The following ARHGAP23 variants were observed in gnomAD, a reference collection of about 807,000 sequenced individuals.
ARHGAP23 encodes Rho GTPase activating protein 23.
ARHGAP23 carries 34 observed loss-of-function variants against 136.3 expected under a neutral mutation model. The ratio of observed to expected loss-of-function variants is 0.25; its 90% CI spans 0.19 to 0.33. The LOEUF (loss-of-function observed/expected upper bound fraction) is 0.33, where lower values mean the gene tolerates loss of function less well. Among genes scored for constraint, ARHGAP23 ranks in the 10% least tolerant of loss-of-function variants. The pLI is 1.00. For missense variants in ARHGAP23, 1,808 were observed against 2,139.0 expected, an observed-to-expected ratio of 0.85 and a Z score of 3.05; for synonymous variants, 832 against 920.5, an observed-to-expected ratio of 0.90 and a Z score of 1.74.
At chr17:38,469,383 C>T (rs2039689534) in intron 8 of ARHGAP23, 84 bp downstream of exon 8, 1 of 1,479,710 alleles carries the variant, frequency 6.8e-7, no homozygotes, top group Admixed American at 2.2e-5. Context: ...TGCTTGATGT[C>T]TGGCCTCTTC....
chr17:38,504,196 G>C (rs2040579626), intron 23 of ARHGAP23, among the ~76,000 whole-genome samples: 1 of 152,220 alleles, frequency 6.6e-6, no homozygotes, highest in African/African-American at 2.4e-5. Context: ...GCTCTGTCCT[G>C]AGCCTGAGCT....
intron 17 of ARHGAP23, among the ~76,000 whole-genome samples, chr17:38,486,536 CTTTTT>C (rs34888986): frequency 7.9e-5 from 10 of 125,838 alleles, no homozygotes; most frequent in East Asian, 2.3e-4. Flanking sequence ...ACCACGCTGG[CTTTTT>C]TTTTTTTTTT....
At chr17:38,457,760 C>T (rs1354649393) in intron 1 of ARHGAP23, 3 of 380,954 alleles carry the variant, frequency 7.9e-6, no homozygotes, top group Non-Finnish European at 1.4e-5. Flanking sequence ...GGCAGGAAGG[C>T]TGTATCCAGG....
Position 38,504,978 on chromosome 17 carries a change from C to CTTTTTTTTT in ARHGAP23, c.3447+4387_3447+4395dup, listed in dbSNP as rs71138627. Among the ~76,000 whole-genome samples the CTTTTTTTTT allele has an allele frequency of 9.0e-4, 39 of 43,170 alleles. 13 individuals carry two copies. Among genetic ancestry groups the CTTTTTTTTT allele is most frequent in the Non-Finnish European group, 1.7e-3 (34 of 20,290 alleles). The allele number at this position is 43,170 out of a possible 152,430, so 28.3% of individuals were successfully genotyped here. A position where few individuals can be genotyped will look rare whatever the true frequency, so the allele number is the denominator to read the frequency against. On this transcript the variant is annotated intron_variant, in intron 23 of 23. Coordinates refer to ENST00000622683, the MANE Select transcript of ARHGAP23 (RefSeq NM_001199417.2). ...ATTACTCAGAAGCCTCCCTTATCAT[C>CTTTTTTTTT]TTTTTTTTTTTTTTTTTTTTTTTTT...
Position 38,466,196 on chromosome 17 carries a change from G to C in ARHGAP23, c.513G>C (p.Gly171=), listed in dbSNP as rs1391494629. 1 of 1,518,098 alleles carries C rather than the reference G, an allele frequency of 6.6e-7. No individual in the cohort carries two copies. The highest frequency in any genetic ancestry group is 1.4e-5 in the African/African-American group (1 of 71,714). 94.0% of individuals were successfully genotyped at this position (1,518,098 alleles called of 1,614,324 possible). The stretch of plus-strand genomic sequence containing the variant: ...ACTCCCAGGATGCCTACCTGAAAGG[G>C]AACGAGCCGTATTCTGGAGAGGCCC... ...LAYSQDAYLK[G]NEPYSGEARS... is the part of the protein sequence containing the mutation. Residue 171 remains glycine, a synonymous_variant, in exon 7 of 24, where the codon GGG becomes GGC. Coordinates refer to ENST00000622683, the MANE Select transcript of ARHGAP23 (RefSeq NM_001199417.2).
chr17:38,465,597 A>T (rs1393896619), intron 6 of ARHGAP23, among the ~76,000 whole-genome samples: 1 of 152,226 alleles, frequency 6.6e-6, no homozygotes. Flanking sequence ...GGGTGGCAGA[A>T]GGTGGCTCAA....
At chr17:38,466,106 C>G in intron 6 of ARHGAP23, 61 bp from the exon 7 acceptor site, 1 of 1,368,244 alleles carries the variant, frequency 7.3e-7, no homozygotes, top group South Asian at 1.7e-5. Context: ...CTCGGGCTGC[C>G]GTTCCCCTAC....
intron 1 of ARHGAP23, among the ~76,000 whole-genome samples, chr17:38,450,898 A>G (rs1390194800): frequency 6.6e-6 from 1 of 152,232 alleles, no homozygotes; most frequent in African/African-American, 2.4e-5. Flanking sequence ...ACCCTCAGGA[A>G]GATGAGGTTG....
chr17:38,427,272 C>G (rs1310524978), upstream of ARHGAP23, among the ~76,000 whole-genome samples: 1 of 152,160 alleles, frequency 6.6e-6, no homozygotes, highest in Non-Finnish European at 1.5e-5. Context: ...TGAGACCAGC[C>G]TGGCCATCCT....
rs1252015736 is a variant in ARHGAP23 at position 38,466,612 on chromosome 17, C to T, written c.929C>T (p.Pro310Leu). 1 of 1,513,574 alleles carries T rather than the reference C, an allele frequency of 6.6e-7. No individual in the cohort carries two copies. Among genetic ancestry groups the T allele is most frequent in the Non-Finnish European group, 8.8e-7 (1 of 1,135,924 alleles). 93.8% of individuals were successfully genotyped at this position (1,513,574 alleles called of 1,614,324 possible). A position where few individuals can be genotyped will look rare whatever the true frequency, so the allele number is the denominator to read the frequency against. ...GAGAGACGGTGCCCAGCCATGGCCCCCCGGGCCCGCAGCGCCTCCCAGGAC... is the reference window on the plus strand; with the variant it reads ...GAGAGACGGTGCCCAGCCATGGCCCTCCGGGCCCGCAGCGCCTCCCAGGAC... The part of the protein sequence containing the change: ...AGERRCPAMA[P>L]RARSASQDRL... Residue 310 changes from proline (P) to leucine (L), a missense_variant, in exon 7 of 24, where the codon CCC becomes CTC. Physicochemically the swap from Pro to Leu is moderately conservative, Grantham distance 98. This residue lies in a region of ARHGAP23 where 859 missense variants were observed against 936.4 expected (regional missense o/e 0.92). Coordinates refer to ENST00000622683, the MANE Select transcript of ARHGAP23 (RefSeq NM_001199417.2).
At chr17:38,444,630 G>T (rs1181739386) in intron 1 of ARHGAP23, among the ~76,000 whole-genome samples, 2 of 152,120 alleles carry the variant, frequency 1.3e-5, no homozygotes, top group Non-Finnish European at 2.9e-5. Flanking sequence ...TTCAGGCTGG[G>T]CGATCCCCCT....
chr17:38,476,836 C>T (rs1426614010), intron 11 of ARHGAP23, among the ~76,000 whole-genome samples: 1 of 152,218 alleles, frequency 6.6e-6, no homozygotes, highest in Non-Finnish European at 1.5e-5. Flanking sequence ...AGCACACCCT[C>T]CAGCTCCCTC....
chr17:38,444,074 C>G (rs540229291), intron 1 of ARHGAP23, among the ~76,000 whole-genome samples: 1 of 152,194 alleles, frequency 6.6e-6, no homozygotes, highest in African/African-American at 2.4e-5. Context: ...GGGCTCTGGC[C>G]TCTCTCCTTG....
chr17:38,462,328 A>G (rs1443215554), intron 3 of ARHGAP23, among the ~76,000 whole-genome samples: 1 of 134,124 alleles, frequency 7.5e-6, no homozygotes, highest in African/African-American at 2.8e-5. Context: ...ATCCCGGCTT[A>G]CCACAACCTC....
At chr17:38,466,028 TGCCTCTCCCTCGTTCCCCCCACCGCTTGG>T in intron 6 of ARHGAP23, 110 bp from the exon 7 acceptor site, 1 of 537,516 alleles carries the variant, frequency 1.9e-6, no homozygotes, top group Non-Finnish European at 3.1e-6. Flanking sequence ...CACCCACTTA[TGCCTCTCCCTCGTTCCCCCCACCGCTTGG>T]TCCTCTCCCT....
At chr17:38,447,435 C>G (rs9889986) in intron 1 of ARHGAP23, among the ~76,000 whole-genome samples, 2 of 34,312 alleles carry the variant, frequency 5.8e-5, no homozygotes, top group Non-Finnish European at 1.1e-4. Context: ...GAGACTCCGT[C>G]TGAAAAAAAA....
At chr17:38,440,503 G>T (rs1186211439) in intron 1 of ARHGAP23, among the ~76,000 whole-genome samples, 1 of 152,246 alleles carries the variant, frequency 6.6e-6, no homozygotes, top group East Asian at 1.9e-4. Flanking sequence ...CCAGGACCCA[G>T]TTTACAGCTG....
intron 20 of ARHGAP23, among the ~76,000 whole-genome samples, chr17:38,493,145 AG>A (rs745755004): frequency 1.1e-4 from 14 of 125,076 alleles, no homozygotes; most frequent in Non-Finnish European, 2.0e-4. Context: ...TTGCTAATTG[AG>A]GTTACGTCAG....
intron 14 of ARHGAP23, among the ~76,000 whole-genome samples, chr17:38,480,583 A>G (rs568102590): frequency 1.1e-4 from 17 of 150,686 alleles, no homozygotes; most frequent in Non-Finnish European, 1.5e-4. Context: ...GCATTGAGCC[A>G]AGATCGCGCC....
Sources: gnomAD v4.1 joint callset for allele counts (sites outside exome capture counted in the v4.1 genomes callset) on GRCh38, gnomAD v4.1.1 for gene constraint, gnomAD v4.1.1 regional missense constraint, MANE v1.5 for transcripts, NCBI Gene and HGNC (gene_info 2026-07-23, HGNC 2026-07-21) for gene names.